Variants in FSTL3 observed in about 807,000 individuals in gnomAD.
FSTL3 encodes the protein follistatin like 3.
FSTL3 carries 21 observed loss-of-function variants against 28.1 expected under a neutral mutation model. The ratio of observed to expected loss-of-function variants is 0.75; its 90% CI spans 0.53 to 1.08. The LOEUF (loss-of-function observed/expected upper bound fraction) is 1.08. Among genes scored for constraint, FSTL3 ranks in the 50% least tolerant of loss-of-function variants. FSTL3 has a pLI of 0.00. For missense variants in FSTL3, 400 were observed against 380.9 expected (o/e 1.05, Z -0.42); for synonymous variants, 199 against 164.2 (o/e 1.21, Z -1.62).
In FSTL3 at chr19:678,126, C is replaced by A; in HGVS notation, c.289+149C>A. The A allele has an allele frequency of 1.1e-5, 8 of 706,356 alleles. No individual in the cohort carries two copies. The South Asian group carries it at 1.5e-4, about 13-fold the overall frequency. The allele number at this position is 706,356 out of a possible 1,614,324, so 43.8% of individuals were successfully genotyped here. A position where few individuals can be genotyped will look rare whatever the true frequency, so the allele number is the denominator to read the frequency against. On this transcript the variant is annotated intron_variant, in intron 2 of 4. Coordinates refer to ENST00000166139, the MANE Select transcript of FSTL3 (RefSeq NM_005860.3). Reference sequence around the variant, plus strand: ...GGGGGATCCCAGCCTCAGAGAGGGACTGGGGGGACTTCCCGGTTCCCAGGC... The same window carrying A: ...GGGGGATCCCAGCCTCAGAGAGGGAATGGGGGGACTTCCCGGTTCCCAGGC...
At chr19:676,610 C>CGCGGCGGCG (rs534552077) in intron 1 of FSTL3, 84 bp downstream of exon 1, 9 of 382,840 alleles carry the variant, frequency 2.4e-5, no homozygotes, top group African/African-American at 6.6e-5. Flanking sequence ...CGTCGGGGGG[C>CGCGGCGGCG]GCGGCGGCGG....
chr19:682,194 C>T lies in FSTL3; in HGVS notation c.*486C>T, dbSNP rs1006739497. 1 of 308,932 alleles carries T rather than the reference C, an allele frequency of 3.2e-6. No homozygotes were observed. Among genetic ancestry groups the T allele is most frequent in the Non-Finnish European group, 6.2e-6 (1 of 162,030 alleles). The allele number at this position is 308,932 out of a possible 1,614,324, so 19.1% of individuals were successfully genotyped here. A position where few individuals can be genotyped will look rare whatever the true frequency, so the allele number is the denominator to read the frequency against. On this transcript the variant is annotated 3_prime_UTR_variant, in exon 5 of 5. Coordinates refer to ENST00000166139, the MANE Select transcript of FSTL3 (RefSeq NM_005860.3). ...CCTGGGTGAGTACGGAGGGTCTAGC[C>T]TGGGTGAGTACGGAGGGTCTAGCCT...
rs1209048361 is a variant in FSTL3, at chr19:681,921, C to T, written c.*213C>T. ...TGGTGGGTGGGATAGACCTGCGTTC[C>T]GGACACTGAGCGCCTGATTTAGGGC... On this transcript the variant is annotated 3_prime_UTR_variant, in exon 5 of 5. Transcript: ENST00000166139. The T allele has an allele frequency of 1.0e-5, 6 of 598,842 alleles. No homozygotes were observed. Among genetic ancestry groups the T allele is most frequent in the South Asian group, 3.9e-5 (2 of 50,730 alleles). 37.1% of individuals were successfully genotyped at this position (598,842 alleles called of 1,614,324 possible). A position where few individuals can be genotyped will look rare whatever the true frequency, so the allele number is the denominator to read the frequency against.
Position 681,735 on chromosome 19 carries a change from G to GCCCGAGGCCCCCCATCATC in FSTL3, c.*31_*49dup. The GCCCGAGGCCCCCCATCATC allele has an allele frequency of 6.5e-7, 1 of 1,536,138 alleles. No homozygotes were observed. The highest frequency in any genetic ancestry group is 8.8e-7 in the Non-Finnish European group (1 of 1,135,144). On this transcript the variant is annotated 3_prime_UTR_variant, in exon 5 of 5. Transcript: ENST00000166139. ...CCTGCAGGACAGGCCTGGGCCTGGT[G>GCCCGAGGCCCCCCATCATC]CCCGAGGCCCCCCATCATCCCCTGT...
At position 680,379 on chromosome 19, in the gene FSTL3, T is replaced by G; in HGVS notation, c.395T>G (p.Leu132Arg). 1 of 1,279,342 alleles carries G rather than the reference T, an allele frequency of 7.8e-7. No individual in the cohort carries two copies. The highest frequency in any genetic ancestry group is 1.6e-5 in the African/African-American group (1 of 64,416). The allele number at this position is 1,279,342 out of a possible 1,614,324, so 79.2% of individuals were successfully genotyped here. ...APDCSGLPAR[L>R]QVCGSDGATY... ...GACTGCTCGGGGCTCCCGGCGCGGC[T>G]GCAGGTCTGCGGCTCAGACGGCGCC... The change falls in exon 3 of 5, where the codon CTG becomes CGG. Residue 132 changes from leucine to arginine, a missense_variant. Physicochemically the swap from Leu to Arg is moderately radical, Grantham distance 102. Transcript: ENST00000166139.
At chr19:678,116 C>G (rs1317421779) in intron 2 of FSTL3, 139 bp downstream of exon 2, 7 of 766,866 alleles carry the variant, frequency 9.1e-6, no homozygotes, top group African/African-American at 1.8e-5. Context: ...ATCCCAGCCT[C>G]AGAGAGGGAC....
In FSTL3 at chr19:682,110, C is replaced by G. The variant is rs1034936164; in HGVS notation, c.*402C>G. The G allele has an allele frequency of 7.5e-6, 3 of 397,730 alleles. No homozygotes were observed. Among genetic ancestry groups the G allele is most frequent in the Admixed American group, 3.8e-5 (1 of 26,038 alleles). 24.6% of individuals were successfully genotyped at this position (397,730 alleles called of 1,614,324 possible). ...GAGGCATGACTGCTTTTCTCAGCCC[C>G]AAGCCTCTAGTCTGGGTGTGTACGG... is the stretch of plus-strand genomic sequence containing the variant. On this transcript the variant is annotated 3_prime_UTR_variant, in exon 5 of 5. Transcript: ENST00000166139.
At chr19:678,071 G>A in intron 2 of FSTL3, 94 bp downstream of exon 2, 2 of 1,206,394 alleles carry the variant, frequency 1.7e-6, no homozygotes, top group African/African-American at 1.5e-5. Context: ...CAGGGACTGA[G>A]CCCGTCACAG....
chr19:677,470 G>A (rs1217849640), intron 1 of FSTL3, among the ~76,000 whole-genome samples: 1 of 147,436 alleles, frequency 6.8e-6, no homozygotes, highest in East Asian at 2.1e-4. Flanking sequence ...AGTGCCTGGT[G>A]TTTGGTGGTG....
Position 681,821 on chromosome 19 carries a change from C to A in FSTL3, c.*113C>A. The A allele has an allele frequency of 1.0e-6, 1 of 965,528 alleles. No homozygotes were observed. Among genetic ancestry groups the A allele is most frequent in the South Asian group, 1.4e-5 (1 of 71,026 alleles). The allele number at this position is 965,528 out of a possible 1,614,324, so 59.8% of individuals were successfully genotyped here. On this transcript the variant is annotated 3_prime_UTR_variant, in exon 5 of 5. Transcript: ENST00000166139. Reference sequence around the variant, plus strand: ...ACGGACACTCCTTAGAGCCCGGATTCGGACCACTTGGGGATCCCAGAACCT... The same window carrying A: ...ACGGACACTCCTTAGAGCCCGGATTAGGACCACTTGGGGATCCCAGAACCT...
intron 3 of FSTL3, chr19:680,912 CA>C: frequency 4.1e-6 from 1 of 246,288 alleles, no homozygotes; most frequent in Admixed American, 5.0e-5. Context: ...GAGCGTGACT[CA>C]GAGAGGGGCT....
chr19:678,443 T>G (rs949770785), intron 2 of FSTL3, among the ~76,000 whole-genome samples: 5 of 151,136 alleles, frequency 3.3e-5, no homozygotes, highest in Admixed American at 2.6e-4. Context: ...TAGGGGCTCT[T>G]GGTTGGCGAG....
Position 681,795 on chromosome 19 carries a change from C to T in FSTL3, c.*87C>T, listed in dbSNP as rs776320752. 2.6e-6 allele frequency: 3 copies of T among 1,155,200 alleles called. 1 individual carries two copies. Among genetic ancestry groups the T allele is most frequent in the South Asian group, 2.6e-5 (2 of 75,830 alleles). The allele number at this position is 1,155,200 out of a possible 1,614,324, so 71.6% of individuals were successfully genotyped here. On this transcript the variant is annotated 3_prime_UTR_variant, in exon 5 of 5. Transcript: ENST00000166139. ...CCACAGCAGAGTCTAATTTATATGC[C>T]ACGGACACTCCTTAGAGCCCGGATT...
chr19:678,636 C>A (rs773538818), intron 2 of FSTL3, among the ~76,000 whole-genome samples: 4 of 151,660 alleles, frequency 2.6e-5, no homozygotes, highest in Non-Finnish European at 4.4e-5. Context: ...TCGGCCTCCC[C>A]AGGGGCTGGG....
intron 1 of FSTL3, among the ~76,000 whole-genome samples, chr19:676,998 T>G (rs1269211670): frequency 6.6e-6 from 1 of 152,052 alleles, no homozygotes; most frequent in African/African-American, 2.4e-5. Context: ...GTCTCACACC[T>G]GGGACTTGCC....
chr19:680,205 G>C (rs995469119), intron 2 of FSTL3, 69 bp from the exon 3 acceptor site: 2 of 1,040,530 alleles, frequency 1.9e-6, no homozygotes, highest in Middle Eastern at 3.6e-4. Flanking sequence ...GGGGCCCCGA[G>C]GCCTTCGCGC....
At chr19:676,808 C>T (rs1423173562) in intron 1 of FSTL3, among the ~76,000 whole-genome samples, 1 of 152,184 alleles carries the variant, frequency 6.6e-6, no homozygotes, top group Non-Finnish European at 1.5e-5. Flanking sequence ...TCTTCATCTC[C>T]GTCTTCCAGA....
Position 681,744 on chromosome 19 carries a change from C to G in FSTL3, c.*36C>G. On this transcript the variant is annotated 3_prime_UTR_variant, in exon 5 of 5. Transcript: ENST00000166139. ...CAGGCCTGGGCCTGGTGCCCGAGGCCCCCCATCATCCCCTGTTATTTATTG... is the reference window on the plus strand; with the variant it reads ...CAGGCCTGGGCCTGGTGCCCGAGGCGCCCCATCATCCCCTGTTATTTATTG... 1 of 1,487,384 alleles carries G rather than the reference C, an allele frequency of 6.7e-7. No individual in the cohort carries two copies. 92.1% of individuals were successfully genotyped at this position (1,487,384 alleles called of 1,614,324 possible). A position where few individuals can be genotyped will look rare whatever the true frequency, so the allele number is the denominator to read the frequency against.
rs1413887020 is a variant in FSTL3 at position 682,206 on chromosome 19, G to A, written c.*498G>A. Reference sequence around the variant, plus strand: ...CGGAGGGTCTAGCCTGGGTGAGTACGGAGGGTCTAGCCTGGGTGAGTACGG... The same window carrying A: ...CGGAGGGTCTAGCCTGGGTGAGTACAGAGGGTCTAGCCTGGGTGAGTACGG... On this transcript the variant is annotated 3_prime_UTR_variant, in exon 5 of 5. Transcript: ENST00000166139. The A allele has an allele frequency of 6.6e-6, 2 of 302,242 alleles. No homozygotes were observed. The highest frequency in any genetic ancestry group is 1.1e-4 in the South Asian group (2 of 19,046). The allele number at this position is 302,242 out of a possible 1,614,324, so 18.7% of individuals were successfully genotyped here.
Sources: allele counts gnomAD v4.1 joint callset (sites outside exome capture counted in the v4.1 genomes callset), GRCh38; gene constraint gnomAD v4.1.1; transcripts MANE v1.5; gene names NCBI Gene and HGNC (gene_info 2026-07-23, HGNC 2026-07-21).